The following CRB1 variants were observed in gnomAD, a reference collection of about 807,000 sequenced individuals.
The protein encoded by CRB1 is protein crumbs homolog 1.
A neutral mutation model predicts 120.0 loss-of-function variants in CRB1; 83 were observed. The ratio of observed to expected loss-of-function variants is 0.69; its 90% CI spans 0.58 to 0.83. The LOEUF is 0.83. CRB1 is among the 40% of genes least tolerant of loss of function. The pLI is 0.00. For missense variants in CRB1, 1,699 were observed against 1,687.6 expected (o/e 1.01, Z -0.12); for synonymous variants, 625 against 612.5 (o/e 1.02, Z -0.30).
At chr1:197,423,945 C>G (rs1244882729) in intron 6 of CRB1, among the ~76,000 whole-genome samples, 1 of 152,112 alleles carries the variant, frequency 6.6e-6, no homozygotes, top group Non-Finnish European at 1.5e-5. Flanking sequence ...CTCAGCATAT[C>G]TTGTGTTGAC....
chr1:197,233,160 G>A, the CRB1 span, among the ~76,000 whole-genome samples: 5 of 152,214 alleles, frequency 3.3e-5, 1 homozygote, highest in South Asian at 1.0e-3. Context: ...AATATTCCAT[G>A]TCAAGAATGG....
At chr1:197,367,798 C>G (rs1571408807) in intron 5 of CRB1, among the ~76,000 whole-genome samples, 1 of 152,282 alleles carries the variant, frequency 6.6e-6, no homozygotes, top group East Asian at 1.9e-4. Flanking sequence ...TATTCTACTT[C>G]ACCCATCTGC....
At chr1:197,475,563 A>G (rs1333031511) in intron 11 of CRB1, among the ~76,000 whole-genome samples, 5 of 152,022 alleles carry the variant, frequency 3.3e-5, no homozygotes, top group Non-Finnish European at 2.9e-5. Context: ...CCCCACCTAC[A>G]CTATCTCCCA....
intron 5 of CRB1, among the ~76,000 whole-genome samples, chr1:197,412,631 A>G (rs910648496): frequency 7.2e-5 from 11 of 152,126 alleles, no homozygotes; most frequent in South Asian, 2.1e-4. Context: ...GTAGCCCCCA[A>G]TAGATACATT....
chr1:197,228,950 A>G, the CRB1 span, among the ~76,000 whole-genome samples: 1 of 152,166 alleles, frequency 6.6e-6, no homozygotes, highest in South Asian at 2.1e-4. Flanking sequence ...TGTGAGACTT[A>G]TTCACTACCA....
chr1:197,376,493 C>T (rs1661652670), intron 5 of CRB1, among the ~76,000 whole-genome samples: 1 of 152,174 alleles, frequency 6.6e-6, no homozygotes, highest in South Asian at 2.1e-4. Context: ...ACAGCATATT[C>T]ACCCAGTTGG....
At chr1:197,427,275 G>A (rs1036181242) in intron 6 of CRB1, among the ~76,000 whole-genome samples, 179 bp from the exon 7 acceptor site, 1 of 152,094 alleles carries the variant, frequency 6.6e-6, no homozygotes, top group Admixed American at 6.6e-5. Flanking sequence ...CCAGAAAGAG[G>A]CCAAATCATT....
rs1661986405 is a variant in CRB1, at chr1:197,382,098, T to A, written c.1171+25085T>A. ...GTGACGGGGAGTAGGGACTGTGGAT[T>A]CAGAATTCTTAGTGTAACAGCCAAT... On this transcript the variant is annotated intron_variant, in intron 5 of 11. Transcript: ENST00000367400. Among the ~76,000 whole-genome samples the A allele has an allele frequency of 3.3e-5, 5 of 152,296 alleles. No individual in the cohort carries two copies. In the South Asian group the frequency reaches 1.0e-3, roughly 32 times the overall value.
At chr1:197,286,013 G>A (rs1319800424) in intron 1 of CRB1, among the ~76,000 whole-genome samples, 2 of 151,702 alleles carry the variant, frequency 1.3e-5, no homozygotes, top group Non-Finnish European at 1.5e-5. Flanking sequence ...CTGTGATACA[G>A]ACTTGAAAGA....
At chr1:197,275,327 T>C (rs1226637603) in intron 1 of CRB1, among the ~76,000 whole-genome samples, 2 of 152,064 alleles carry the variant, frequency 1.3e-5, no homozygotes, top group East Asian at 3.9e-4. Context: ...AATAAAACTC[T>C]GATATATGAT....
intron 5 of CRB1, chr1:197,413,958 G>C: frequency 2.2e-6 from 1 of 457,126 alleles, no homozygotes; most frequent in South Asian, 1.5e-5. Flanking sequence ...GATGTTTGGA[G>C]CCAGGACACA....
At chr1:197,457,568 G>C (rs1178278070) in intron 11 of CRB1, among the ~76,000 whole-genome samples, 4 of 152,104 alleles carry the variant, frequency 2.6e-5, no homozygotes, top group African/African-American at 7.2e-5. Flanking sequence ...TTCAGTACCT[G>C]GCAATCATTC....
At position 197,327,700 on chromosome 1, in the gene CRB1, ATCTTT is replaced by A. The variant is rs572896741; in HGVS notation, c.71-713_71-709del. On this transcript the variant is annotated intron_variant, in intron 1 of 11. Transcript: ENST00000367400. The stretch of plus-strand genomic sequence containing the variant: ...TAATTGCTTATAGTAACTATATAAA[ATCTTT>A]TCTTTTCTCTTGTGCAGAGGTTTTC... Among the ~76,000 whole-genome samples the A allele has an allele frequency of 7.7e-3, 1,180 of 152,302 alleles. 20 individuals carry two copies. The highest frequency in any genetic ancestry group is 9.8e-3 in the Non-Finnish European group (664 of 68,024).
Position 197,442,231 on chromosome 1 carries a change from TACTC to T in CRB1, c.3946_3949del (p.Leu1316ThrfsTer24). 1 of 1,614,150 alleles carries T rather than the reference TACTC, an allele frequency of 6.2e-7. No homozygotes were observed. Among genetic ancestry groups the T allele is most frequent in the Non-Finnish European group, 8.5e-7 (1 of 1,180,034 alleles). ...GTCAATGGAGGTCTGTGCCAGGACTTACTCAACAAATTCCAGTGCCTCTGTGATG... is the reference window on the plus strand; with the variant it reads ...GTCAATGGAGGTCTGTGCCAGGACTTAACAAATTCCAGTGCCTCTGTGATG... On this transcript the variant is annotated frameshift_variant, in exon 11 of 12. Transcript: ENST00000367400. LOFTEE classifies it high-confidence loss of function.
At chr1:197,233,765 C>T in the CRB1 span, among the ~76,000 whole-genome samples, 7 of 152,324 alleles carry the variant, frequency 4.6e-5, no homozygotes, top group South Asian at 2.1e-4. Context: ...TTTTGAGCCA[C>T]GACCATGCTC....
At chr1:197,332,015 A>G (rs1352337906) in intron 2 of CRB1, among the ~76,000 whole-genome samples, 3 of 151,922 alleles carry the variant, frequency 2.0e-5, no homozygotes, top group Non-Finnish European at 4.4e-5. Context: ...TCTACTAAAA[A>G]TACAAGTCCC....
intron 1 of CRB1, among the ~76,000 whole-genome samples, chr1:197,325,037 T>A (rs900324284): frequency 6.6e-6 from 1 of 152,186 alleles, no homozygotes; most frequent in African/African-American, 2.4e-5. Context: ...TCTGCTTGAT[T>A]TTATCAAAAG....
Position 197,421,536 on chromosome 1 carries a change from G to C in CRB1, c.1708G>C (p.Val570Leu), listed in dbSNP as rs754482666. 1.2e-6 allele frequency: 2 copies of C among 1,614,110 alleles called. No homozygotes were observed. Among genetic ancestry groups the C allele is most frequent in the Non-Finnish European group, 1.7e-6 (2 of 1,180,054 alleles). The change falls in exon 6 of 12, where the codon GTG (valine) becomes CTG (leucine). Residue 570 changes from valine to leucine, a missense_variant. Transcript: ENST00000367400. ...HNTSDGEWHFVEVIFAEAVTL... is the reference protein window; with the variant it reads ...HNTSDGEWHFLEVIFAEAVTL... ...CACCAGCGATGGAGAGTGGCATTTC[G>C]TGGAGGTAATATTTGCAGAGGCTGT...
chr1:197,403,208 C>T (rs1462482869), intron 5 of CRB1, among the ~76,000 whole-genome samples: 3 of 152,186 alleles, frequency 2.0e-5, no homozygotes, highest in African/African-American at 7.2e-5. Flanking sequence ...TACTCAAACA[C>T]ACAACATGTG....
Sources: gnomAD v4.1 joint callset for allele counts (sites outside exome capture counted in the v4.1 genomes callset) on GRCh38, gnomAD v4.1.1 for gene constraint, MANE v1.5 for transcripts, NCBI Gene and HGNC (gene_info 2026-07-23, HGNC 2026-07-21) for gene names.